DRC7: variants seen among roughly 807,000 people sequenced by gnomAD.
DRC7 encodes the protein coiled-coil domain containing 135.
DRC7 carries 80 observed loss-of-function variants against 104.4 expected under a neutral mutation model. The ratio of observed to expected loss-of-function variants is 0.77; its 90% CI spans 0.64 to 0.92. The LOEUF is 0.92. Ranked by LOEUF, DRC7 falls within the 40% of genes least tolerant of loss-of-function variation. The pLI is 0.00. For synonymous variants in DRC7, 405 were observed against 447.3 expected (o/e 0.91, Z 1.19); for missense variants, 1,034 against 1,141.1 (o/e 0.91, Z 1.35).
At chr16:57,727,077 C>G in intron 15 of DRC7, 135 bp downstream of exon 15, 1 of 665,766 alleles carries the variant, frequency 1.5e-6, no homozygotes, top group Non-Finnish European at 2.6e-6. Context: ...CCTCCCACCT[C>G]ATCCTCCCAG....
Position 57,726,152 on chromosome 16 carries a change from C to T in DRC7, c.1843C>T (p.Arg615Cys), listed in dbSNP as rs755902295. Residue 615 changes from arginine (R) to cysteine (C), a missense_variant, in exon 14 of 19, where the codon CGC (arginine) becomes TGC (cysteine). Arg to Cys is a radical substitution (Grantham distance 180). Coordinates refer to ENST00000360716, the MANE Select transcript of DRC7 (RefSeq NM_001289162.2). ...AERVFLVAEERIQLRYHCRED... is the reference protein window; with the variant it reads ...AERVFLVAEECIQLRYHCRED... ...GCGCGTGTTTCTGGTCGCGGAGGAG[C>T]GCATCCAGCTGCGCTACCACTGCCG... 4 of 1,613,150 alleles carry T rather than the reference C, an allele frequency of 2.5e-6. No homozygotes were observed. Among genetic ancestry groups the T allele is most frequent in the Middle Eastern group, 1.6e-4 (1 of 6,062 alleles).
Position 57,724,687 on chromosome 16 carries a change from G to T in DRC7, c.1610G>T (p.Gly537Val). 6.2e-7 allele frequency: 1 copy of T among 1,613,894 alleles called. No individual in the cohort carries two copies. Among genetic ancestry groups the T allele is most frequent in the Non-Finnish European group, 8.5e-7 (1 of 1,179,996 alleles). The change falls in exon 13 of 19, where the codon GGC becomes GTC. Residue 537 changes from glycine (G) to valine (V), a missense_variant. By Grantham distance (109) the Gly-to-Val change is moderately radical. Coordinates refer to ENST00000360716, the MANE Select transcript of DRC7 (RefSeq NM_001289162.2). ...IEFYETARVD[G>V]LMKREETPRT... Reference sequence around the variant, plus strand: ...TTTTATGAAACGGCCCGTGTGGATGGCCTGATGAAGCGGGAGGAGACACCC... The same window carrying T: ...TTTTATGAAACGGCCCGTGTGGATGTCCTGATGAAGCGGGAGGAGACACCC...
intron 9 of DRC7, 27 bp from the exon 10 acceptor site, chr16:57,721,640 C>A (rs1367159861): frequency 6.3e-7 from 1 of 1,586,672 alleles, no homozygotes; most frequent in Non-Finnish European, 8.6e-7. Context: ...CCAGCACCAC[C>A]TCCCCCACCC....
intron 12 of DRC7, 82 bp from the exon 13 acceptor site, chr16:57,724,533 C>CTGGGGT (rs2048941072): frequency 1.1e-6 from 1 of 949,586 alleles, no homozygotes. Flanking sequence ...CTCCCTGGGC[C>CTGGGGT]TGGGGTTGGG....
At position 57,704,912 on chromosome 16, in the gene DRC7, T is replaced by C; in HGVS notation, c.736T>C (p.Tyr246His). The change falls in exon 7 of 19, where the codon TAT (tyrosine) becomes CAT (histidine). Residue 246 changes from tyrosine (Y) to histidine (H), a missense_variant. By Grantham distance (83) the Tyr-to-His change is moderately conservative. Coordinates refer to ENST00000360716, the MANE Select transcript of DRC7 (RefSeq NM_001289162.2). The stretch of plus-strand genomic sequence containing the variant: ...GGAGGAAAAGGTGCTGCCTAAGAAG[T>C]ATACCATCAAACCCCCCAGGGACCT... ...KKEEKVLPKKYTIKPPRDLCS... is the reference protein window; with the variant it reads ...KKEEKVLPKKHTIKPPRDLCS... 1 of 1,613,562 alleles carries C rather than the reference T, an allele frequency of 6.2e-7. No homozygotes were observed. Among genetic ancestry groups the C allele is most frequent in the South Asian group, 1.1e-5 (1 of 91,062 alleles).
At chr16:57,697,281 A>C (rs2148726942) in intron 2 of DRC7, among the ~76,000 whole-genome samples, 1 of 151,880 alleles carries the variant, frequency 6.6e-6, no homozygotes, top group African/African-American at 2.4e-5. Flanking sequence ...AGTACTTGTC[A>C]TTGATAACTG....
intron 7 of DRC7, 128 bp downstream of exon 7, chr16:57,705,162 C>T: frequency 2.8e-6 from 3 of 1,059,496 alleles, no homozygotes; most frequent in Non-Finnish European, 4.0e-6. Context: ...CTCACAATCA[C>T]CCCCAACCTC....
chr16:57,706,779 C>G (rs1190779192), intron 7 of DRC7, among the ~76,000 whole-genome samples: 1 of 139,266 alleles, frequency 7.2e-6, no homozygotes, highest in Non-Finnish European at 1.6e-5. Context: ...CATTGTCTCA[C>G]TCATCCTCCC....
At chr16:57,725,802 T>G in intron 13 of DRC7, 1 of 465,554 alleles carries the variant, frequency 2.1e-6, no homozygotes, top group Admixed American at 3.6e-5. Context: ...CCTGGAGAGG[T>G]GGTGAGCTCC....
At position 57,726,228 on chromosome 16, in the gene DRC7, T is replaced by C; in HGVS notation, c.1919T>C (p.Val640Ala). The C allele has an allele frequency of 6.2e-7, 1 of 1,612,718 alleles. No homozygotes were observed. The part of the protein sequence containing the change: ...SKREFLRRTE[V>A]DSKGNKIIMT... ...CGCGAGTTCCTGCGGCGCACCGAGGTGGACAGCAAAGGCAACAAGATCATC... is the reference window on the plus strand; with the variant it reads ...CGCGAGTTCCTGCGGCGCACCGAGGCGGACAGCAAAGGCAACAAGATCATC... Residue 640 changes from valine to alanine, a missense_variant, in exon 14 of 19, where the codon GTG (valine) becomes GCG (alanine). By Grantham distance (64) the Val-to-Ala change is moderately conservative (BLOSUM62 0). Transcript: ENST00000360716.
intron 14 of DRC7, 74 bp from the exon 15 acceptor site, chr16:57,726,758 A>T: frequency 1.2e-6 from 1 of 840,978 alleles, no homozygotes; most frequent in Non-Finnish European, 2.0e-6. Flanking sequence ...TGGCAGGGGT[A>T]GATTTGAACC....
chr16:57,721,493 G>C (rs2048901713), intron 9 of DRC7, among the ~76,000 whole-genome samples, 174 bp from the exon 10 acceptor site: 1 of 152,108 alleles, frequency 6.6e-6, no homozygotes, highest in South Asian at 2.1e-4. Context: ...TCCCTGCCCA[G>C]AGTCGACTCC....
At chr16:57,716,268 C>T (rs192209826) in intron 8 of DRC7, among the ~76,000 whole-genome samples, 3 of 152,232 alleles carry the variant, frequency 2.0e-5, no homozygotes, top group Admixed American at 1.3e-4. Context: ...TTTGAGAGGC[C>T]GAGGTAGGTG....
intron 17 of DRC7, among the ~76,000 whole-genome samples, chr16:57,729,786 A>ATGGGTGGATGGATGGATGAGTGAG (rs2049032234): frequency 3.3e-5 from 2 of 61,338 alleles, no homozygotes; most frequent in Non-Finnish European, 6.2e-5. Context: ...GGGTGGGTGG[A>ATGGGTGGATGGATGGATGAGTGAG]TGGGTGGATG....
At position 57,705,034 on chromosome 16, in the gene DRC7, G is replaced by C. The variant is rs1407010857; in HGVS notation, c.858G>C (p.Met286Ile). Reference protein sequence around the residue: ...KRLREEEERLMEAEKAKPDAL... With the variant: ...KRLREEEERLIEAEKAKPDAL... ...TGAGGGAGGAGGAGGAGCGCCTCAT[G>C]GTGGGTCCTCAGCCCTGAATCCCCT... Residue 286 changes from methionine to isoleucine, a missense_variant and splice_region_variant, in exon 7 of 19, where the codon ATG becomes ATC. Transcript: ENST00000360716. 6.2e-7 allele frequency: 1 copy of C among 1,611,478 alleles called. No homozygotes were observed.
rs1165050128 is a variant in DRC7 at position 57,704,943 on chromosome 16, G to A, written c.767G>A (p.Ser256Asn). 1 of 1,613,874 alleles carries A rather than the reference G, an allele frequency of 6.2e-7. No individual in the cohort carries two copies. The highest frequency in any genetic ancestry group is 1.1e-5 in the South Asian group (1 of 91,080). Reference protein sequence around the residue: ...YTIKPPRDLCSRFEQEQEVKK... With the variant: ...YTIKPPRDLCNRFEQEQEVKK... ...ATCAAACCCCCCAGGGACCTGTGCA[G>A]CAGGTTTGAGCAGGAGCAAGAGGTG... is the stretch of plus-strand genomic sequence containing the variant. The change falls in exon 7 of 19, where the codon AGC (serine) becomes AAC (asparagine). Residue 256 changes from serine to asparagine, a missense_variant. Ser to Asn is a conservative substitution (Grantham distance 46). Coordinates refer to ENST00000360716, the MANE Select transcript of DRC7 (RefSeq NM_001289162.2).
chr16:57,698,941 G>A lies in DRC7; in HGVS notation c.295G>A (p.Asp99Asn). The change falls in exon 4 of 19, where the codon GAC becomes AAC. Residue 99 changes from aspartate to asparagine, a missense_variant. Physicochemically the swap from Asp to Asn is conservative, Grantham distance 23. Transcript: ENST00000360716. ...PKEEHLLQVA[D>N]NFSRQYSHLC... ...GGAGGAACACCTGCTGCAGGTGGCA[G>A]ACAACTTCTCCCGCCAGTACAGCCA... 1.2e-6 allele frequency: 2 copies of A among 1,614,116 alleles called. No individual in the cohort carries two copies. Among genetic ancestry groups the A allele is most frequent in the South Asian group, 2.2e-5 (2 of 91,086 alleles).
Position 57,731,311 on chromosome 16 carries a change from GC to G in DRC7, c.*54del. 7.0e-7 allele frequency: 1 copy of G among 1,429,100 alleles called. No individual in the cohort carries two copies. Among genetic ancestry groups the G allele is most frequent in the East Asian group, 2.3e-5 (1 of 43,720 alleles). The allele number at this position is 1,429,100 out of a possible 1,614,324, so 88.5% of individuals were successfully genotyped here. A position where few individuals can be genotyped will look rare whatever the true frequency, so the allele number is the denominator to read the frequency against. On this transcript the variant is annotated 3_prime_UTR_variant, in exon 19 of 19. Coordinates refer to ENST00000360716, the MANE Select transcript of DRC7 (RefSeq NM_001289162.2). ...TGCCAGAGAAAGGAAACCTCTTCCC[GC>G]AGCCTGGCTCCTGTGTTCCCTCTAT... is the stretch of plus-strand genomic sequence containing the variant.
chr16:57,721,076 G>A (rs1209237726), intron 9 of DRC7, among the ~76,000 whole-genome samples: 2 of 152,128 alleles, frequency 1.3e-5, no homozygotes, highest in African/African-American at 2.4e-5. Flanking sequence ...TCAACTGGGT[G>A]TGGTAGGTGC....
Sources: allele counts gnomAD v4.1 joint callset (sites outside exome capture counted in the v4.1 genomes callset), GRCh38; gene constraint gnomAD v4.1.1; transcripts MANE v1.5; gene names NCBI Gene and HGNC (gene_info 2026-07-23, HGNC 2026-07-21).